Variants in SASH1 observed in about 807,000 individuals in gnomAD.
SASH1 encodes the protein SAM and SH3 domain-containing protein 1.
SASH1 carries 44 observed loss-of-function variants against 125.2 expected under a neutral mutation model. That is an observed-to-expected ratio of 0.35 (90% confidence interval 0.28 to 0.45). The LOEUF (loss-of-function observed/expected upper bound fraction) is 0.45. Among genes scored for constraint, SASH1 ranks in the 20% least tolerant of loss-of-function variants. The pLI is 1.00. For synonymous variants in SASH1, 639 were observed against 649.1 expected (o/e 0.98, Z 0.24); for missense variants, 1,426 against 1,614.5 (o/e 0.88, Z 2.00).
chr6:148,215,049 C>A, the SASH1 span, among the ~76,000 whole-genome samples: 1 of 152,134 alleles, frequency 6.6e-6, no homozygotes, highest in Non-Finnish European at 1.5e-5. Flanking sequence ...GCCCAGGAGT[C>A]CAGGGATGCC....
At chr6:148,361,524 C>T (rs1164576773) in intron 1 of SASH1, among the ~76,000 whole-genome samples, 1 of 151,930 alleles carries the variant, frequency 6.6e-6, no homozygotes, top group Non-Finnish European at 1.5e-5. Flanking sequence ...ATCGCTTGAA[C>T]CTGGGAGGCA....
At chr6:148,445,681 C>A (rs918876376) in intron 4 of SASH1, among the ~76,000 whole-genome samples, 9 of 152,158 alleles carry the variant, frequency 5.9e-5, no homozygotes, top group Admixed American at 4.6e-4. Flanking sequence ...GCTGCTGCAT[C>A]TTCTAGGTGG....
chr6:148,301,093 A>T (rs1779929339), intron 1 of SASH1, among the ~76,000 whole-genome samples: 2 of 151,800 alleles, frequency 1.3e-5, no homozygotes, highest in African/African-American at 4.8e-5. Flanking sequence ...TTGGGAGGCC[A>T]AGGCCAGCAG....
At chr6:148,202,354 AC>A in the SASH1 span, among the ~76,000 whole-genome samples, 38 of 152,192 alleles carry the variant, frequency 2.5e-4, no homozygotes, top group Non-Finnish European at 4.9e-4. Flanking sequence ...AAAAGAGCTG[AC>A]CCACAGGGCC....
At chr6:148,225,151 A>G in the SASH1 span, among the ~76,000 whole-genome samples, 2 of 152,308 alleles carry the variant, frequency 1.3e-5, no homozygotes. Flanking sequence ...TGGAGTGGCT[A>G]TTGTTAACGC....
chr6:148,232,568 A>G, the SASH1 span, among the ~76,000 whole-genome samples: 2 of 152,220 alleles, frequency 1.3e-5, no homozygotes, highest in Non-Finnish European at 1.5e-5. Flanking sequence ...ATTTGAGCTG[A>G]CAGTAAAACA....
the SASH1 span, among the ~76,000 whole-genome samples, chr6:148,249,352 A>AGGC: frequency 0.067 from 14 of 210 alleles, no homozygotes; most frequent in South Asian, 0.5. Context: ...GTGTGCATGC[A>AGGC]TCACACACAC....
At chr6:148,480,024 GT>G (rs1778544115) in intron 7 of SASH1, 1 of 152,442 alleles carries the variant, frequency 6.6e-6, no homozygotes, top group Admixed American at 6.5e-5. Context: ...AAAACTGTCC[GT>G]GGAGAGGATC....
At chr6:148,537,774 TTCTGTGTGTGTGTGTGTGTGTGTG>T (rs1489028935) in intron 16 of SASH1, among the ~76,000 whole-genome samples, 9 of 110,740 alleles carry the variant, frequency 8.1e-5, no homozygotes, top group African/African-American at 2.7e-4. Context: ...TCTTAGCATA[TTCTGTGTGTGTGTGTGTGTGTGTG>T]TGTGTGTGTG....
intron 1 of SASH1, among the ~76,000 whole-genome samples, chr6:148,303,030 G>T (rs1034143065): frequency 6.6e-6 from 1 of 151,908 alleles, no homozygotes; most frequent in Non-Finnish European, 1.5e-5. Flanking sequence ...GCTCAGGCTG[G>T]AGTGCAATGG....
intron 8 of SASH1, chr6:148,509,229 CCTTCT>C (rs2115304714): frequency 4.0e-6 from 1 of 251,626 alleles, no homozygotes; most frequent in South Asian, 4.8e-5. Flanking sequence ...TGATTGGCTT[CCTTCT>C]CTTAAGTTTA....
At chr6:148,261,260 C>T in the SASH1 span, among the ~76,000 whole-genome samples, 1 of 152,170 alleles carries the variant, frequency 6.6e-6, no homozygotes, top group Non-Finnish European at 1.5e-5. Context: ...TCCAAACAGC[C>T]TCTCCTCATT....
chr6:148,297,006 C>T (rs1400226218), intron 1 of SASH1, among the ~76,000 whole-genome samples: 1 of 152,184 alleles, frequency 6.6e-6, no homozygotes, highest in African/African-American at 2.4e-5. Context: ...GAAAGAAAGG[C>T]CTTCAGGGAA....
intron 1 of SASH1, among the ~76,000 whole-genome samples, chr6:148,290,698 A>C (rs1219050338): frequency 2.7e-5 from 4 of 147,934 alleles, no homozygotes; most frequent in Admixed American, 6.8e-5. Context: ...ACCACTCCCT[A>C]ATCTCAAGTA....
At chr6:148,337,617 C>T (rs1781199155) in intron 1 of SASH1, among the ~76,000 whole-genome samples, 1 of 152,104 alleles carries the variant, frequency 6.6e-6, no homozygotes, top group Admixed American at 6.5e-5. Context: ...CTGCCTGGGC[C>T]TCTCAAAGTG....
intron 1 of SASH1, among the ~76,000 whole-genome samples, chr6:148,362,373 C>T (rs1184929201): frequency 6.6e-6 from 1 of 151,938 alleles, no homozygotes; most frequent in Non-Finnish European, 1.5e-5. Context: ...CAGGCATGTG[C>T]CACCATGCCT....
intron 1 of SASH1, among the ~76,000 whole-genome samples, chr6:148,283,140 G>A (rs1023514241): frequency 1.3e-5 from 2 of 152,150 alleles, no homozygotes; most frequent in Non-Finnish European, 2.9e-5. Flanking sequence ...GGGAGACATC[G>A]GCAGCTGGTC....
In SASH1 at chr6:148,531,863, G is replaced by A. The variant is rs184491222; in HGVS notation, c.1564+202G>A. Among the ~76,000 whole-genome samples the A allele has an allele frequency of 1.0e-3, 151 of 149,614 alleles. 1 individual carries two copies. The highest frequency in any genetic ancestry group is 3.4e-3 in the African/African-American group (138 of 40,566). On this transcript the variant is annotated intron_variant, in intron 13 of 19. Transcript: ENST00000367467. ...CATGCAGCAGCAGCAGCCCAAAACA[G>A]GAGGTGATGAATTTTGATCGGAGAC...
chr6:148,538,535 C>T (rs923627982), intron 16 of SASH1, among the ~76,000 whole-genome samples: 2 of 152,204 alleles, frequency 1.3e-5, no homozygotes, highest in African/African-American at 4.8e-5. Context: ...TGCTCTTGTG[C>T]TTCCAATTAG....
Sources: allele counts gnomAD v4.1 joint callset (sites outside exome capture counted in the v4.1 genomes callset), GRCh38; gene constraint gnomAD v4.1.1; transcripts MANE v1.5; gene names NCBI Gene and HGNC (gene_info 2026-07-23, HGNC 2026-07-21).